Variants in PEX14 observed in about 807,000 individuals in gnomAD.
The protein encoded by PEX14 is peroxisomal biogenesis factor 14, also known as peroxisomal membrane protein PEX14.
A neutral mutation model predicts 49.5 loss-of-function variants in PEX14; 15 were observed. That is an observed-to-expected ratio of 0.30 (90% CI 0.20 to 0.47). The LOEUF is 0.47. Ranked by LOEUF, PEX14 falls within the 20% of genes least tolerant of loss-of-function variation. The pLI, the probability that PEX14 is intolerant of heterozygous loss-of-function variation, is 1.00. For synonymous variants in PEX14, 210 were observed against 212.7 expected, an observed-to-expected ratio of 0.99 and a Z score of 0.11; for missense variants, 398 against 494.8, an observed-to-expected ratio of 0.80 and a Z score of 1.86.
intron 3 of PEX14, among the ~76,000 whole-genome samples, chr1:10,567,070 A>G (rs1446211093): frequency 1.3e-5 from 2 of 152,234 alleles, no homozygotes; most frequent in Non-Finnish European, 2.9e-5. Context: ...TTGACAGTGT[A>G]TAAACTAATG....
intron 4 of PEX14, among the ~76,000 whole-genome samples, 163 bp from the exon 5 acceptor site, chr1:10,618,169 G>A (rs910493605): frequency 5.3e-5 from 8 of 152,190 alleles, no homozygotes; most frequent in African/African-American, 1.7e-4. Flanking sequence ...GGGTGGAGCC[G>A]GCTGCTGTTG....
chr1:10,587,920 T>TTA (rs1453146872), intron 3 of PEX14, among the ~76,000 whole-genome samples: 26 of 64,074 alleles, frequency 4.1e-4, no homozygotes, highest in African/African-American at 1.0e-3. Flanking sequence ...TTTTTTTTTT[T>TTA]AAAAAAAAAA....
intron 2 of PEX14, among the ~76,000 whole-genome samples, chr1:10,500,334 A>G (rs188767903): frequency 6.8e-5 from 9 of 132,186 alleles, no homozygotes; most frequent in Admixed American, 5.6e-4. Context: ...AGATCGCGCT[A>G]CTGCCCTGCA....
rs145899844 is a variant in PEX14 at position 10,629,546 on chromosome 1, A to C, written c.693A>C (p.Pro231=). The part of the protein sequence containing the change: ...GLLLNRRQFP[P]SPSAPKIPSW... ...CTCCCTCTAGGAGGCAGTTCCCTCC[A>C]TCCCCATCAGCCCCGAAGATCCCCT... Residue 231 remains proline (P), a synonymous_variant, in exon 9 of 9, where the codon CCA becomes CCC. Transcript: ENST00000356607. This position sits in a 1 kb window ranked among gnomAD's most constrained non-coding sequence, Gnocchi z 8.5. 1 of 1,613,040 alleles carries C rather than the reference A, an allele frequency of 6.2e-7. No homozygotes were observed. Among genetic ancestry groups the C allele is most frequent in the Admixed American group, 1.7e-5 (1 of 60,010 alleles).
chr1:10,504,453 A>C (rs1290827176), intron 2 of PEX14, among the ~76,000 whole-genome samples: 1 of 152,194 alleles, frequency 6.6e-6, no homozygotes, highest in Non-Finnish European at 1.5e-5. Flanking sequence ...GGAAGAAGAC[A>C]TGCTGCCACT....
chr1:10,596,969 G>T (rs1196415937), intron 3 of PEX14, among the ~76,000 whole-genome samples: 1 of 152,234 alleles, frequency 6.6e-6, no homozygotes, highest in Non-Finnish European at 1.5e-5. Context: ...GATAATGCAA[G>T]GAACATGTTT....
rs369479412 is a variant in PEX14, at chr1:10,495,330, C to G, written c.84+9C>G. 1 of 1,607,936 alleles carries G rather than the reference C, an allele frequency of 6.2e-7. No individual in the cohort carries two copies. The highest frequency in any genetic ancestry group is 8.5e-7 in the Non-Finnish European group (1 of 1,174,704). On this transcript the variant is annotated intron_variant, in intron 2 of 8. Transcript: ENST00000356607. This position sits in a 1 kb window ranked among gnomAD's most constrained non-coding sequence, Gnocchi z 4.2. ...TGCCTCGAGAGCCGCTGGTAAGTAC[C>G]CAAGATATGTGGTATCACTTTCTAG...
rs1638640791 is a variant in PEX14 at position 10,531,214 on chromosome 1, G to A, written c.85-4999G>A. On this transcript the variant is annotated intron_variant, in intron 2 of 8. Transcript: ENST00000356607. ...AGATATATAGCTTCATAATTAGCCC[G>A]TTGCATTTTTTCACGAGTGCTAGCA... 2.6e-5 allele frequency among the ~76,000 whole-genome samples: 4 copies of A among 152,138 alleles called. No individual in the cohort carries two copies. The South Asian group carries it at 6.2e-4, about 24-fold the overall frequency.
intron 2 of PEX14, among the ~76,000 whole-genome samples, chr1:10,533,991 C>G (rs1286385436): frequency 6.6e-6 from 1 of 152,150 alleles, no homozygotes; most frequent in Non-Finnish European, 1.5e-5. Context: ...AAGGTGAAAC[C>G]TGTGTGTTCC....
At chr1:10,582,045 G>T (rs1640337038) in intron 3 of PEX14, among the ~76,000 whole-genome samples, 1 of 151,702 alleles carries the variant, frequency 6.6e-6, no homozygotes, top group African/African-American at 2.4e-5. Context: ...ATGGTCAATT[G>T]ATTATTTTGT....
chr1:10,479,274 G>T (rs1380058802), intron 1 of PEX14, among the ~76,000 whole-genome samples: 1 of 152,164 alleles, frequency 6.6e-6, no homozygotes, highest in East Asian at 1.9e-4. Context: ...CTACTTTGGA[G>T]GCTGAGGTGA....
intron 3 of PEX14, among the ~76,000 whole-genome samples, chr1:10,538,697 A>T (rs1479918764): frequency 2.0e-5 from 3 of 152,220 alleles, no homozygotes; most frequent in African/African-American, 7.2e-5. Flanking sequence ...ACCGTCTCCG[A>T]TGGGGATGAG....
intron 4 of PEX14, among the ~76,000 whole-genome samples, chr1:10,612,938 TACC>T (rs1422802745): frequency 2.6e-5 from 4 of 152,240 alleles, no homozygotes. Context: ...GCCCCGTTTC[TACC>T]ACTGCCTTGC....
At chr1:10,481,920 C>G (rs1641290032) in intron 1 of PEX14, among the ~76,000 whole-genome samples, 1 of 149,640 alleles carries the variant, frequency 6.7e-6, no homozygotes, top group South Asian at 2.1e-4. Flanking sequence ...TTCCCAGGCT[C>G]AAGCCATCCT....
chr1:10,499,147 C>A (rs1196029719), intron 2 of PEX14, among the ~76,000 whole-genome samples: 1 of 152,218 alleles, frequency 6.6e-6, no homozygotes, highest in Non-Finnish European at 1.5e-5. Context: ...TCCATTTAGT[C>A]ATATGATTTT....
chr1:10,600,343 C>T (rs1369584118), intron 4 of PEX14, among the ~76,000 whole-genome samples: 2 of 152,092 alleles, frequency 1.3e-5, no homozygotes, highest in Non-Finnish European at 2.9e-5. Flanking sequence ...ATTGCTTGAA[C>T]CCGGGAGGTG....
chr1:10,489,633 G>A (rs773548420), intron 1 of PEX14, among the ~76,000 whole-genome samples: 8 of 152,200 alleles, frequency 5.3e-5, no homozygotes, highest in African/African-American at 1.2e-4. Flanking sequence ...ATTCAGCAGA[G>A]ACCTGAGGGA....
At chr1:10,509,094 G>A (rs1023750717) in intron 2 of PEX14, among the ~76,000 whole-genome samples, 27 of 152,224 alleles carry the variant, frequency 1.8e-4, no homozygotes, top group South Asian at 1.7e-3. Flanking sequence ...CCGCCGCCAC[G>A]TCCGGCTAAT....
chr1:10,475,409 C>T (rs755552255), intron 1 of PEX14, among the ~76,000 whole-genome samples: 10 of 152,196 alleles, frequency 6.6e-5, no homozygotes, highest in Non-Finnish European at 8.8e-5. Context: ...ATTAGGGTTC[C>T]CACTCCCTCA....
Sources: allele counts gnomAD v4.1 joint callset (sites outside exome capture counted in the v4.1 genomes callset), GRCh38; gene constraint gnomAD v4.1.1; non-coding constraint Gnocchi (gnomAD v3.1); transcripts MANE v1.5; gene names NCBI Gene and HGNC (gene_info 2026-07-23, HGNC 2026-07-21).